CARMIL2: variants seen among roughly 807,000 people sequenced by gnomAD.
The protein encoded by CARMIL2 is capping protein, Arp2/3 and myosin-I linker protein 2.
In CARMIL2, 96 loss-of-function variants were observed where a neutral mutation model predicts 173.3. The ratio of observed to expected loss-of-function variants is 0.55; its 90% confidence interval spans 0.47 to 0.66. The LOEUF is 0.66. CARMIL2 is among the 30% of genes least tolerant of loss of function. CARMIL2 has a pLI of 0.00. For missense variants in CARMIL2, 1,771 were observed against 1,906.7 expected, an observed-to-expected ratio of 0.93 and a Z score of 1.33; for synonymous variants, 830 against 817.1, an observed-to-expected ratio of 1.02 and a Z score of -0.27.
rs2052584625 is a variant in CARMIL2, at chr16:67,645,910, G to A, written c.187-108G>A. ...AGCACTGGGCTCTGGGCAGCCGACA[G>A]GAGGGGAGTCCAGGCAGATCTGGCT... is the stretch of plus-strand genomic sequence containing the variant. On this transcript the variant is annotated intron_variant, in intron 3 of 37. Transcript: ENST00000334583. 2.6e-6 allele frequency: 4 copies of A among 1,561,430 alleles called. No individual in the cohort carries two copies. The East Asian group carries it at 6.7e-5, about 26-fold the overall frequency.
At chr16:67,650,585 G>T in intron 22 of CARMIL2, 1 of 201,282 alleles carries the variant, frequency 5.0e-6, no homozygotes, top group South Asian at 9.6e-5. Context: ...CTAAGCTTCA[G>T]AGCCCAAAGG....
chr16:67,649,261 C>A lies in CARMIL2; in HGVS notation c.1696C>A (p.Leu566Met). The A allele has an allele frequency of 6.2e-7, 1 of 1,613,426 alleles. No homozygotes were observed. Among genetic ancestry groups the A allele is most frequent in the South Asian group, 1.1e-5 (1 of 91,068 alleles). The change falls in exon 19 of 38, where the codon CTG becomes ATG. Residue 566 changes from leucine to methionine, a missense_variant. By Grantham distance (15) the Leu-to-Met change is conservative. Transcript: ENST00000334583. The surrounding 1 kb of genome is among the most constrained non-coding windows in gnomAD (Gnocchi z 6.7). ...RNFNVRCKET[L>M]DDVLHRIVQL... ...TGCGGCCCCTGCCCACAGGGAGACCCTGGACGACGTCCTGCACCGGATTGT... is the reference window on the plus strand; with the variant it reads ...TGCGGCCCCTGCCCACAGGGAGACCATGGACGACGTCCTGCACCGGATTGT...
rs1160973773 is a variant in CARMIL2 at position 67,648,608 on chromosome 16, C to T, written c.1440-77C>T. On this transcript the variant is annotated intron_variant, in intron 15 of 37. Transcript: ENST00000334583. The surrounding 1 kb of genome is among the most constrained non-coding windows in gnomAD (Gnocchi z 6.1). ...TCGCTCCCACAACCTCCCCCAGATC[C>T]TGGCCCTGCCTCCTTCGTTCGCACC... is the stretch of plus-strand genomic sequence containing the variant. 2.0e-6 allele frequency: 3 copies of T among 1,504,988 alleles called. No homozygotes were observed. Among genetic ancestry groups the T allele is most frequent in the East Asian group, 4.9e-5 (2 of 41,040 alleles). The allele number at this position is 1,504,988 out of a possible 1,614,324, so 93.2% of individuals were successfully genotyped here.
rs767941878 is a variant in CARMIL2 at position 67,647,689 on chromosome 16, CA to C, written c.882del (p.Leu295SerfsTer12). On this transcript the variant is annotated frameshift_variant, in exon 12 of 38. Coordinates refer to ENST00000334583, the MANE Select transcript of CARMIL2 (RefSeq NM_001013838.3). LOFTEE classifies it high-confidence loss of function. ...GTTCCCACCCCCCAAGGCATGACTG[CA>C]CTCAGCAGACACCTCGAGCGTTGTC... is the stretch of plus-strand genomic sequence containing the variant. ...GNLLDDRGMT[A>X]LSRHLERCPG... is the part of the protein sequence containing the mutation. 4.9e-5 allele frequency: 78 copies of C among 1,600,706 alleles called. No homozygotes were observed. The highest frequency in any genetic ancestry group is 6.6e-5 in the Non-Finnish European group (77 of 1,174,836).
rs753110391 is a variant in CARMIL2 at position 67,654,138 on chromosome 16, A to G, written c.3121-11A>G. The stretch of plus-strand genomic sequence containing the variant: ...CTCAACCCTGACCCCTGACCCCATG[A>G]TGCCCCCCAGGTACCCCCAGCCTTG... On this transcript the variant is annotated splice_polypyrimidine_tract_variant and intron_variant, in intron 29 of 37. Transcript: ENST00000334583. 15 of 1,408,344 alleles carry G rather than the reference A, an allele frequency of 1.1e-5. No individual in the cohort carries two copies. Among genetic ancestry groups the G allele is most frequent in the Middle Eastern group, 2.2e-4 (1 of 4,540 alleles). 87.2% of individuals were successfully genotyped at this position (1,408,344 alleles called of 1,614,324 possible).
chr16:67,650,033 T>C lies in CARMIL2; in HGVS notation c.2083-16T>C. Reference sequence around the variant, plus strand: ...AACTCCGTCCCTCGGCATTTCTCAATACCCCTTGCCCCTAGATCCAAGCCT... The same window carrying C: ...AACTCCGTCCCTCGGCATTTCTCAACACCCCTTGCCCCTAGATCCAAGCCT... On this transcript the variant is annotated splice_polypyrimidine_tract_variant and intron_variant, in intron 21 of 37. Transcript: ENST00000334583. 1 of 1,613,632 alleles carries C rather than the reference T, an allele frequency of 6.2e-7. No individual in the cohort carries two copies. The highest frequency in any genetic ancestry group is 8.5e-7 in the Non-Finnish European group (1 of 1,179,748).
At position 67,645,436 on chromosome 16, in the gene CARMIL2, C is replaced by T. The variant is rs991352542; in HGVS notation, c.41-104C>T. ...CCCCAGATCCTCTCCCCTCCTTCCT[C>T]GCTGGCCGCAGATAAGCCCCAGGGC... On this transcript the variant is annotated intron_variant, in intron 1 of 37. Coordinates refer to ENST00000334583, the MANE Select transcript of CARMIL2 (RefSeq NM_001013838.3). The T allele has an allele frequency of 3.6e-6, 5 of 1,370,128 alleles. No individual in the cohort carries two copies. The African/African-American group carries it at 5.8e-5, about 16-fold the overall frequency. The allele number at this position is 1,370,128 out of a possible 1,614,324, so 84.9% of individuals were successfully genotyped here. A position where few individuals can be genotyped will look rare whatever the true frequency, so the allele number is the denominator to read the frequency against.
chr16:67,649,484 A>T lies in CARMIL2; in HGVS notation c.1784A>T (p.Lys595Met). Residue 595 changes from lysine to methionine, a missense_variant, in exon 20 of 38, where the codon AAG (lysine) becomes ATG (methionine). This residue lies in a region of CARMIL2 where 944 missense variants were observed against 975.6 expected (regional missense o/e 0.97). Coordinates refer to ENST00000334583, the MANE Select transcript of CARMIL2 (RefSeq NM_001013838.3). This position sits in a 1 kb window ranked among gnomAD's most constrained non-coding sequence, Gnocchi z 6.7. ...CTGTCGGTGGCTGAGTCTCGGCTGA[A>T]GCTGGGTGCCAGCGTCCTACTCCGG... ...QSLSVAESRLKLGASVLLRAL... is the reference protein window; with the variant it reads ...QSLSVAESRLMLGASVLLRAL... The T allele has an allele frequency of 6.2e-7, 1 of 1,610,998 alleles. No homozygotes were observed. The highest frequency in any genetic ancestry group is 8.5e-7 in the Non-Finnish European group (1 of 1,179,878).
intron 1 of CARMIL2, 74 bp from the exon 2 acceptor site, chr16:67,645,466 G>A (rs1410301411): frequency 1.4e-6 from 2 of 1,436,712 alleles, no homozygotes; most frequent in East Asian, 2.5e-5. Flanking sequence ...CAGGGCCCCA[G>A]CCTGGCACAG....
rs1388863800 is a variant in CARMIL2 at position 67,654,524 on chromosome 16, G to A, written c.3414G>A (p.Pro1138=). 5 of 1,611,170 alleles carry A rather than the reference G, an allele frequency of 3.1e-6. No homozygotes were observed. The African/African-American group carries it at 4.0e-5, about 13-fold the overall frequency. The part of the protein sequence containing the change: ...RKTTFGDLLR[P]PTRPSRGEEL... ...CTACATTTGGCGACCTACTGCGGCC[G>A]CCAACCCGTCCCAGCCGTGGTGAGG... The change falls in exon 31 of 38, where the codon CCG becomes CCA. Residue 1138 remains proline, a synonymous_variant. Transcript: ENST00000334583.
rs976765357 is a variant in CARMIL2, at chr16:67,649,601, G to C, written c.1901G>C (p.Arg634Pro). The C allele has an allele frequency of 8.8e-6, 14 of 1,598,058 alleles. No homozygotes were observed. The highest frequency in any genetic ancestry group is 1.1e-5 in the Non-Finnish European group (13 of 1,177,902). Residue 634 changes from arginine to proline, a missense_variant, in exon 20 of 38, where the codon CGG becomes CCG. This residue lies in a region of CARMIL2 where 944 missense variants were observed against 975.6 expected (regional missense o/e 0.97). Coordinates refer to ENST00000334583, the MANE Select transcript of CARMIL2 (RefSeq NM_001013838.3). The surrounding 1 kb of genome is among the most constrained non-coding windows in gnomAD (Gnocchi z 6.7). Reference sequence around the variant, plus strand: ...GCCAAGTTGCTGGCCAAGGCGCTGCGGGTCAACTCGAGGCTCCGGTGGGCG... The same window carrying C: ...GCCAAGTTGCTGGCCAAGGCGCTGCCGGTCAACTCGAGGCTCCGGTGGGCG... Reference protein sequence around the residue: ...AGAKLLAKALRVNSRLRSVVW... With the variant: ...AGAKLLAKALPVNSRLRSVVW...
Position 67,646,213 on chromosome 16 carries a change from G to A in CARMIL2, c.277G>A (p.Glu93Lys). Reference protein sequence around the residue: ...QVTFELESLRELVLEFPGVAA... With the variant: ...QVTFELESLRKLVLEFPGVAA... ...CACCTTTGAGCTGGAGTCCCTGCGT[G>A]AGCTGGTCCTGGAGTTTCCTGGTGT... Residue 93 changes from glutamate to lysine, a missense_variant, in exon 5 of 38, where the codon GAG becomes AAG. Around this residue, in one of 3 missense-constraint regions of CARMIL2, gnomAD observed 944 missense variants for 975.6 expected, o/e 0.97. Coordinates refer to ENST00000334583, the MANE Select transcript of CARMIL2 (RefSeq NM_001013838.3). The surrounding 1 kb of genome is among the most constrained non-coding windows in gnomAD (Gnocchi z 4.6). 6.2e-7 allele frequency: 1 copy of A among 1,613,848 alleles called. No homozygotes were observed. Among genetic ancestry groups the A allele is most frequent in the Non-Finnish European group, 8.5e-7 (1 of 1,179,890 alleles).
chr16:67,647,946 C>T lies in CARMIL2; in HGVS notation c.1059C>T (p.Ser353=), dbSNP rs772396799. 50 of 1,608,146 alleles carry T rather than the reference C, an allele frequency of 3.1e-5. No homozygotes were observed. Among genetic ancestry groups the T allele is most frequent in the Non-Finnish European group, 4.1e-5 (48 of 1,177,126 alleles). The change falls in exon 13 of 38, where the codon TCC becomes TCT. Residue 353 remains serine (S), a synonymous_variant. Coordinates refer to ENST00000334583, the MANE Select transcript of CARMIL2 (RefSeq NM_001013838.3). ...GGAATCCTGGGGCGCTGGGGGCCTC[C>T]GAGGACAGTGGGGTGAGTGGCTGTC... ...LSGNPGALGA[S]EDSGGLYSFL...
chr16:67,651,183 C>A lies in CARMIL2; in HGVS notation c.2185-4C>A. 1 of 1,612,406 alleles carries A rather than the reference C, an allele frequency of 6.2e-7. No individual in the cohort carries two copies. On this transcript the variant is annotated splice_region_variant and splice_polypyrimidine_tract_variant and intron_variant, in intron 22 of 37. Transcript: ENST00000334583. This position sits in a 1 kb window ranked among gnomAD's most constrained non-coding sequence, Gnocchi z 4.2. ...GGCTGAGACTGATCCCCATTTCGCC[C>A]CAGGAAGTGAATGAATTGTGTCAGT...
rs1249824254 is a variant in CARMIL2 at position 67,647,974 on chromosome 16, CAGGG to C, written c.1071+17_1071+20del. 6.2e-7 allele frequency: 1 copy of C among 1,604,472 alleles called. No homozygotes were observed. Among genetic ancestry groups the C allele is most frequent in the African/African-American group, 1.3e-5 (1 of 74,938 alleles). On this transcript the variant is annotated intron_variant, in intron 13 of 37. Coordinates refer to ENST00000334583, the MANE Select transcript of CARMIL2 (RefSeq NM_001013838.3). ...GGACAGTGGGGTGAGTGGCTGTCTTCAGGGTGGGAGCTTGGGGTTGCTCATAAGC... is the reference window on the plus strand; with the variant it reads ...GGACAGTGGGGTGAGTGGCTGTCTTCTGGGAGCTTGGGGTTGCTCATAAGC...
chr16:67,651,892 C>G lies in CARMIL2; in HGVS notation c.2589-29C>G, dbSNP rs2052730995. ...TGGGCAAGGCTGAGCAAAGCCAGCCCATTAACCCCTGTCCTCTCCTGCCCT... is the reference window on the plus strand; with the variant it reads ...TGGGCAAGGCTGAGCAAAGCCAGCCGATTAACCCCTGTCCTCTCCTGCCCT... On this transcript the variant is annotated intron_variant, in intron 25 of 37. Coordinates refer to ENST00000334583, the MANE Select transcript of CARMIL2 (RefSeq NM_001013838.3). This position sits in a 1 kb window ranked among gnomAD's most constrained non-coding sequence, Gnocchi z 4.2. 6.2e-7 allele frequency: 1 copy of G among 1,613,050 alleles called. No homozygotes were observed. The highest frequency in any genetic ancestry group is 1.7e-4 in the Middle Eastern group (1 of 6,060).
rs1430802644 is a variant in CARMIL2 at position 67,651,650 on chromosome 16, A to G, written c.2428-35A>G. ...CAAGCCAGCAGCCTGGTGTCTGGCC[A>G]CATCCTCACCATGCTCTGACTGACC... On this transcript the variant is annotated intron_variant, in intron 24 of 37. Transcript: ENST00000334583. The surrounding 1 kb of genome is among the most constrained non-coding windows in gnomAD (Gnocchi z 4.2). 4 of 1,598,484 alleles carry G rather than the reference A, an allele frequency of 2.5e-6. No individual in the cohort carries two copies. The East Asian group carries it at 6.8e-5, about 27-fold the overall frequency.
At position 67,654,766 on chromosome 16, in the gene CARMIL2, C is replaced by T; in HGVS notation, c.3583-12C>T. ...CGCGGACTGTCTCCAACTCGAGCATCTCTGTCCCTAGCGGCGGCCCCTGGA... is the reference window on the plus strand; with the variant it reads ...CGCGGACTGTCTCCAACTCGAGCATTTCTGTCCCTAGCGGCGGCCCCTGGA... On this transcript the variant is annotated splice_polypyrimidine_tract_variant and intron_variant, in intron 31 of 37. Transcript: ENST00000334583. The T allele has an allele frequency of 6.2e-7, 1 of 1,613,340 alleles. No individual in the cohort carries two copies. Among genetic ancestry groups the T allele is most frequent in the South Asian group, 1.1e-5 (1 of 91,072 alleles).
chr16:67,652,503 T>G lies in CARMIL2; in HGVS notation c.2849T>G (p.Leu950Arg). The change falls in exon 28 of 38, where the codon CTC (leucine) becomes CGC (arginine). Residue 950 changes from leucine to arginine, a missense_variant. Physicochemically the swap from Leu to Arg is moderately radical, Grantham distance 102. This residue lies in a region of CARMIL2 where 817 missense variants were observed against 903.5 expected (regional missense o/e 0.90). Coordinates refer to ENST00000334583, the MANE Select transcript of CARMIL2 (RefSeq NM_001013838.3). The surrounding 1 kb of genome is among the most constrained non-coding windows in gnomAD (Gnocchi z 4.7). ...DDSPPQKWPE[L>R]SHGLHLVPFI... ...AGTCCTCCACAGAAATGGCCTGAGC[T>G]CAGCCACGGTCTTCACCTGGTCCCC... is the stretch of plus-strand genomic sequence containing the variant. 1 of 1,613,572 alleles carries G rather than the reference T, an allele frequency of 6.2e-7. No individual in the cohort carries two copies. Among genetic ancestry groups the G allele is most frequent in the Non-Finnish European group, 8.5e-7 (1 of 1,179,786 alleles).
Sources: gnomAD v4.1 joint callset for allele counts on GRCh38, gnomAD v4.1.1 for gene constraint, gnomAD v4.1.1 regional missense constraint, Gnocchi (gnomAD v3.1) non-coding constraint, MANE v1.5 for transcripts, NCBI Gene and HGNC (gene_info 2026-07-23, HGNC 2026-07-21) for gene names.